The following WWOX variants were observed in gnomAD, a reference collection of about 807,000 sequenced individuals.
WWOX encodes the protein WW domain-containing oxidoreductase.
In WWOX, 69 loss-of-function variants were observed where a neutral mutation model predicts 46.2. The observed-to-expected ratio is 1.49, with a 90% CI of 1.23 to 1.82. The LOEUF (loss-of-function observed/expected upper bound fraction) is 1.82, where lower values mean the gene tolerates loss of function less well. WWOX is among the 40% of genes most tolerant of loss of function. WWOX has a pLI of 0.00. For synonymous variants in WWOX, 359 were observed against 202.6 expected (o/e 1.77, Z -6.56); for missense variants, 919 against 542.6 (o/e 1.69, Z -6.89).
intron 8 of WWOX, among the ~76,000 whole-genome samples, chr16:79,038,377 AG>A (rs2047908229): frequency 6.6e-6 from 1 of 152,212 alleles, no homozygotes. Context: ...AAACGAAGGA[AG>A]AAAAATTCTG....
chr16:78,915,821 C>G (rs768056811), intron 8 of WWOX, among the ~76,000 whole-genome samples: 18 of 152,180 alleles, frequency 1.2e-4, no homozygotes, highest in Admixed American at 5.2e-4. Context: ...AAATCTTCTT[C>G]TTCCAATTTT....
At chr16:78,855,901 T>C (rs1353130710) in intron 8 of WWOX, among the ~76,000 whole-genome samples, 1 of 152,142 alleles carries the variant, frequency 6.6e-6, no homozygotes, top group Non-Finnish European at 1.5e-5. Flanking sequence ...CTCATGTAAC[T>C]CGAAGTCTTT....
chr16:78,785,070 C>T (rs1311718294), intron 8 of WWOX, among the ~76,000 whole-genome samples: 2 of 152,174 alleles, frequency 1.3e-5, no homozygotes, highest in African/African-American at 4.8e-5. Context: ...AAGACTTGGG[C>T]AGTCTCCAGG....
chr16:78,697,308 G>A (rs368560092), intron 8 of WWOX, among the ~76,000 whole-genome samples: 9 of 152,218 alleles, frequency 5.9e-5, no homozygotes, highest in South Asian at 2.1e-4. Flanking sequence ...CCTGCTCACC[G>A]CATTCACGCC....
chr16:78,325,701 GT>G (rs1186784843), intron 5 of WWOX, among the ~76,000 whole-genome samples: 1 of 152,204 alleles, frequency 6.6e-6, no homozygotes, highest in Admixed American at 6.5e-5. Flanking sequence ...AGGGGCTTTT[GT>G]CACCCTGTGT....
intron 8 of WWOX, among the ~76,000 whole-genome samples, chr16:78,464,353 G>A (rs973001931): frequency 6.6e-6 from 1 of 150,866 alleles, no homozygotes; most frequent in Non-Finnish European, 1.5e-5. Flanking sequence ...GAGAGAAGGA[G>A]GAAGAGAGGG....
intron 8 of WWOX, among the ~76,000 whole-genome samples, chr16:79,095,730 A>C (rs887541649): frequency 2.6e-5 from 4 of 152,086 alleles, no homozygotes; most frequent in Non-Finnish European, 4.4e-5. Context: ...AACGGAGTTT[A>C]CATGTGAGAG....
At chr16:78,714,666 C>G (rs570968857) in intron 8 of WWOX, among the ~76,000 whole-genome samples, 83 of 152,222 alleles carry the variant, frequency 5.5e-4, no homozygotes, top group African/African-American at 1.7e-3. Flanking sequence ...TAAATGAGAC[C>G]TCTGGTAGTA....
chr16:79,053,368 T>G (rs990584623), intron 8 of WWOX, among the ~76,000 whole-genome samples: 1 of 152,174 alleles, frequency 6.6e-6, no homozygotes, highest in Non-Finnish European at 1.5e-5. Context: ...TGCTTCTTAG[T>G]GCGCACGTAA....
chr16:78,456,597 A>G (rs1234262778), intron 8 of WWOX, among the ~76,000 whole-genome samples: 1 of 152,210 alleles, frequency 6.6e-6, no homozygotes, highest in East Asian at 1.9e-4. Context: ...TCTGATGGGT[A>G]TGTAGTTCAT....
At chr16:78,788,613 C>T (rs979443923) in intron 8 of WWOX, among the ~76,000 whole-genome samples, 5 of 152,228 alleles carry the variant, frequency 3.3e-5, no homozygotes, top group Non-Finnish European at 7.3e-5. Flanking sequence ...CCCCATACCT[C>T]GCCCTATGTG....
intron 8 of WWOX, among the ~76,000 whole-genome samples, chr16:78,483,301 A>T (rs1883893469): frequency 6.6e-6 from 1 of 152,040 alleles, no homozygotes; most frequent in African/African-American, 2.4e-5. Flanking sequence ...CTTGGAAGAG[A>T]CGGGTCTCAG....
At chr16:78,741,456 A>C (rs1443556759) in intron 8 of WWOX, among the ~76,000 whole-genome samples, 2 of 152,190 alleles carry the variant, frequency 1.3e-5, no homozygotes, top group Non-Finnish European at 2.9e-5. Context: ...GTTACTCGGG[A>C]GGCTGAGGCA....
At chr16:79,204,491 C>G (rs530309918) in intron 8 of WWOX, 7 of 152,242 alleles carry the variant, frequency 4.6e-5, no homozygotes, top group East Asian at 3.9e-4. Context: ...TAAAATAATT[C>G]TGAATGTTAC....
chr16:78,225,469 C>CT (rs1364421206), intron 5 of WWOX, among the ~76,000 whole-genome samples: 1 of 152,172 alleles, frequency 6.6e-6, no homozygotes, highest in Non-Finnish European at 1.5e-5. Context: ...GCAACCAAAT[C>CT]TATCAGCCTG....
intron 8 of WWOX, among the ~76,000 whole-genome samples, chr16:79,136,900 C>G (rs1325186699): frequency 3.3e-5 from 5 of 152,180 alleles, no homozygotes; most frequent in Admixed American, 3.3e-4. Context: ...AACTGTCCAA[C>G]CTGCAGGAGG....
At chr16:78,560,015 T>A (rs1469663846) in intron 8 of WWOX, among the ~76,000 whole-genome samples, 1 of 152,236 alleles carries the variant, frequency 6.6e-6, no homozygotes, top group East Asian at 1.9e-4. Flanking sequence ...TCAGAGAAAT[T>A]AGTGACATTG....
At chr16:78,940,064 A>T (rs2045820989) in intron 8 of WWOX, among the ~76,000 whole-genome samples, 1 of 152,308 alleles carries the variant, frequency 6.6e-6, no homozygotes, top group East Asian at 1.9e-4. Context: ...CTTTCATCCC[A>T]TTATACAAAA....
At chr16:78,396,917 C>A (rs2082300559) in intron 6 of WWOX, among the ~76,000 whole-genome samples, 1 of 152,150 alleles carries the variant, frequency 6.6e-6, no homozygotes, top group Admixed American at 6.5e-5. Flanking sequence ...GGTATCTGGC[C>A]TGGCAGCTGT....
Sources: gnomAD v4.1 joint callset for allele counts (sites outside exome capture counted in the v4.1 genomes callset) on GRCh38, gnomAD v4.1.1 for gene constraint, MANE v1.5 for transcripts, NCBI Gene and HGNC (gene_info 2026-07-23, HGNC 2026-07-21) for gene names.